The following DENND2A variants were observed in gnomAD, a reference collection of about 807,000 sequenced individuals.
DENND2A encodes DENN domain containing 2A.
A neutral mutation model predicts 105.3 loss-of-function variants in DENND2A; 53 were observed. That is an observed-to-expected ratio of 0.50 (90% CI 0.40 to 0.63). The LOEUF is 0.63. DENND2A is among the 30% of genes least tolerant of loss of function. The pLI is 0.00. For synonymous variants in DENND2A, 522 were observed against 508.4 expected, an observed-to-expected ratio of 1.03 and a Z score of -0.36; for missense variants, 1,138 against 1,279.6, an observed-to-expected ratio of 0.89 and a Z score of 1.69.
chr7:140,624,643 T>C (rs1800439534), intron 1 of DENND2A, among the ~76,000 whole-genome samples: 1 of 152,070 alleles, frequency 6.6e-6, no homozygotes, highest in Non-Finnish European at 1.5e-5. Context: ...ATGGAGAAGC[T>C]GTCACAGGAG....
intron 1 of DENND2A, among the ~76,000 whole-genome samples, chr7:140,610,342 C>T (rs1799849511): frequency 6.6e-6 from 1 of 150,814 alleles, no homozygotes; most frequent in Non-Finnish European, 1.5e-5. Context: ...ATTTTTAATC[C>T]TGTTGGGTAC....
chr7:140,606,920 A>G (rs1366602159), intron 1 of DENND2A, among the ~76,000 whole-genome samples: 1 of 152,210 alleles, frequency 6.6e-6, no homozygotes, highest in Non-Finnish European at 1.5e-5. Flanking sequence ...AGTGTCTCCC[A>G]ACATGAGCAT....
intron 3 of DENND2A, among the ~76,000 whole-genome samples, chr7:140,595,488 G>A (rs1186351604): frequency 1.3e-5 from 2 of 152,054 alleles, no homozygotes; most frequent in African/African-American, 2.4e-5. Flanking sequence ...TTGGCTACAG[G>A]CCAGGTGTGG....
chr7:140,540,634 T>A (rs1244670219), intron 14 of DENND2A, among the ~76,000 whole-genome samples: 1 of 152,114 alleles, frequency 6.6e-6, no homozygotes, highest in African/African-American at 2.4e-5. Flanking sequence ...GTCCAACCTG[T>A]CCACCCGGAA....
intron 6 of DENND2A, among the ~76,000 whole-genome samples, chr7:140,570,239 C>A (rs1402886007): frequency 6.6e-6 from 1 of 152,156 alleles, no homozygotes; most frequent in Non-Finnish European, 1.5e-5. Flanking sequence ...GTCAAGGACA[C>A]TAAAGGAGGC....
chr7:140,525,153 CT>C (rs1198329788), intron 16 of DENND2A, among the ~76,000 whole-genome samples: 204 of 111,978 alleles, frequency 1.8e-3, no homozygotes, highest in Admixed American at 4.3e-3. Flanking sequence ...GAGACCCTGT[CT>C]TTTTTTTTTT....
intron 1 of DENND2A, among the ~76,000 whole-genome samples, chr7:140,638,074 A>ATT: frequency 6.6e-6 from 1 of 150,818 alleles, no homozygotes; most frequent in African/African-American, 2.4e-5. Context: ...AGCAACGAAG[A>ATT]TTTTTTTTTT....
intron 9 of DENND2A, among the ~76,000 whole-genome samples, chr7:140,562,621 C>T (rs1004168317): frequency 6.6e-6 from 1 of 151,852 alleles, no homozygotes; most frequent in Non-Finnish European, 1.5e-5. Flanking sequence ...GAGATCATGC[C>T]GCAGCACTCC....
At chr7:140,519,159 A>G (rs1408064440) in intron 19 of DENND2A, among the ~76,000 whole-genome samples, 1 of 152,070 alleles carries the variant, frequency 6.6e-6, no homozygotes, top group Non-Finnish European at 1.5e-5. Context: ...ACTGCTGCAG[A>G]CACCTCCCTA....
chr7:140,529,124 C>CAA (rs146154358), intron 14 of DENND2A, among the ~76,000 whole-genome samples: 4 of 151,464 alleles, frequency 2.6e-5, no homozygotes, highest in African/African-American at 9.7e-5. Flanking sequence ...AACAAAACAC[C>CAA]AAAAAAAACA....
intron 4 of DENND2A, among the ~76,000 whole-genome samples, chr7:140,586,183 T>C (rs1260297737): frequency 1.3e-5 from 2 of 151,596 alleles, no homozygotes; most frequent in African/African-American, 4.9e-5. Flanking sequence ...GTGGGGACGC[T>C]GGGAAGCCTG....
intron 1 of DENND2A, among the ~76,000 whole-genome samples, chr7:140,615,546 T>C (rs1800052593): frequency 6.6e-6 from 1 of 151,780 alleles, no homozygotes; most frequent in Non-Finnish European, 1.5e-5. Context: ...TTTTTTTTTT[T>C]TTCTTTTTTG....
intron 1 of DENND2A, among the ~76,000 whole-genome samples, chr7:140,627,619 T>C (rs1230537598): frequency 6.6e-6 from 1 of 151,900 alleles, no homozygotes; most frequent in Non-Finnish European, 1.5e-5. Context: ...ACTCCCAAGC[T>C]CAAGCAGTCC....
At chr7:140,552,236 TGGAGG>T (rs1797166786) in intron 12 of DENND2A, among the ~76,000 whole-genome samples, 2 of 152,298 alleles carry the variant, frequency 1.3e-5, no homozygotes, top group South Asian at 2.1e-4. Context: ...GCACTTCTGG[TGGAGG>T]GGAGGGGAGA....
At chr7:140,640,984 G>C (rs534603682), upstream of DENND2A, among the ~76,000 whole-genome samples, 2 of 151,012 alleles carry the variant, frequency 1.3e-5, no homozygotes, top group Admixed American at 6.6e-5. This position sits in a 1 kb window ranked among gnomAD's most constrained non-coding sequence, Gnocchi z 4.9. Context: ...CTCTCGGGGT[G>C]GGGGAGAGGT....
intron 1 of DENND2A, among the ~76,000 whole-genome samples, chr7:140,629,447 C>G (rs1472880039): frequency 6.6e-6 from 1 of 152,026 alleles, no homozygotes; most frequent in East Asian, 1.9e-4. Flanking sequence ...GCCTGCCCAG[C>G]ATGAAGACCG....
chr7:140,599,343 T>C (rs1284317409), intron 3 of DENND2A, among the ~76,000 whole-genome samples: 2 of 151,456 alleles, frequency 1.3e-5, no homozygotes, highest in Non-Finnish European at 2.9e-5. Context: ...AAAAAAATAA[T>C]AATAATAATA....
intron 12 of DENND2A, among the ~76,000 whole-genome samples, chr7:140,548,501 A>G (rs1319652710): frequency 6.6e-6 from 1 of 152,076 alleles, no homozygotes; most frequent in Non-Finnish European, 1.5e-5. Flanking sequence ...CAGCCTGGGC[A>G]ACATAGTGAG....
intron 1 of DENND2A, among the ~76,000 whole-genome samples, chr7:140,621,539 T>C (rs1439931372): frequency 6.6e-6 from 1 of 151,990 alleles, no homozygotes; most frequent in African/African-American, 2.4e-5. Context: ...GAATGTTTTT[T>C]TTCTGAGTAT....
Sources: allele counts gnomAD v4.1 joint callset (sites outside exome capture counted in the v4.1 genomes callset), GRCh38; gene constraint gnomAD v4.1.1; non-coding constraint Gnocchi (gnomAD v3.1); transcripts MANE v1.5; gene names NCBI Gene and HGNC (gene_info 2026-07-23, HGNC 2026-07-21).